Variants in SPOPL observed in about 807,000 individuals in gnomAD.
The protein encoded by SPOPL is speckle type BTB/POZ protein like.
SPOPL carries 23 observed loss-of-function variants against 53.8 expected under a neutral mutation model. That is an observed-to-expected ratio of 0.43 (90% CI 0.31 to 0.61). SPOPL has a LOEUF of 0.61. SPOPL is among the 20% of genes least tolerant of loss of function. The pLI, the probability that SPOPL is intolerant of heterozygous loss-of-function variation, is 0.12. For synonymous variants in SPOPL, 164 were observed against 149.7 expected, an observed-to-expected ratio of 1.10 and a Z score of -0.70; for missense variants, 442 against 466.9, an observed-to-expected ratio of 0.95 and a Z score of 0.49.
rs369163509 is a variant in SPOPL at position 138,550,528 on chromosome 2, A to G, written c.124A>G (p.Ser42Gly). Residue 42 changes from serine to glycine, a missense_variant, in exon 3 of 11, where the codon AGT (serine) becomes GGT (glycine). Physicochemically the swap from Ser to Gly is moderately conservative, Grantham distance 56. Transcript: ENST00000280098. ...FSYMWTINNF[S>G]FCREEMGEVL... Reference sequence around the variant, plus strand: ...CTATATGTGGACCATTAATAACTTCAGTTTTTGTCGAGAGGAAATGGGTGA... The same window carrying G: ...CTATATGTGGACCATTAATAACTTCGGTTTTTGTCGAGAGGAAATGGGTGA... 1 of 1,612,072 alleles carries G rather than the reference A, an allele frequency of 6.2e-7. No individual in the cohort carries two copies. The highest frequency in any genetic ancestry group is 1.3e-5 in the African/African-American group (1 of 75,002).
At chr2:138,528,353 T>C (rs1684722478) in intron 1 of SPOPL, among the ~76,000 whole-genome samples, 1 of 152,242 alleles carries the variant, frequency 6.6e-6, no homozygotes, top group South Asian at 2.1e-4. Context: ...ACATGGATAC[T>C]TACAGTACCC....
chr2:138,509,029 G>T (rs529800644), intron 1 of SPOPL, among the ~76,000 whole-genome samples: 1 of 152,046 alleles, frequency 6.6e-6, no homozygotes, highest in Admixed American at 6.6e-5. Context: ...TCTGAATTGT[G>T]TAATACATGA....
intron 1 of SPOPL, among the ~76,000 whole-genome samples, chr2:138,543,347 T>C (rs557023245): frequency 3.3e-4 from 50 of 152,344 alleles, no homozygotes; most frequent in Admixed American, 1.5e-3. Context: ...CTTGGTTCCA[T>C]TCTCCCCATC....
chr2:138,513,395 A>G (rs1010943886), intron 1 of SPOPL, among the ~76,000 whole-genome samples: 2 of 152,176 alleles, frequency 1.3e-5, no homozygotes, highest in African/African-American at 4.8e-5. Flanking sequence ...TCTACTAAAA[A>G]TACAAAAGTC....
At chr2:138,562,655 G>A (rs1436140151) in intron 8 of SPOPL, among the ~76,000 whole-genome samples, 1 of 151,820 alleles carries the variant, frequency 6.6e-6, no homozygotes, top group Non-Finnish European at 1.5e-5. Flanking sequence ...ATGGTGGTGT[G>A]TGCCTGTAAT....
intron 4 of SPOPL, among the ~76,000 whole-genome samples, chr2:138,552,225 C>T (rs1203196900): frequency 6.6e-6 from 1 of 151,944 alleles, no homozygotes. Flanking sequence ...TATTTTGATC[C>T]TATTTCATTG....
At chr2:138,568,246 A>G (rs978136154) in intron 10 of SPOPL, among the ~76,000 whole-genome samples, 8 of 152,170 alleles carry the variant, frequency 5.3e-5, no homozygotes, top group African/African-American at 1.7e-4. Flanking sequence ...AAGCCTTTCA[A>G]ACCTTAAAAT....
chr2:138,542,291 G>C (rs1685088958), intron 1 of SPOPL, among the ~76,000 whole-genome samples: 1 of 152,192 alleles, frequency 6.6e-6, no homozygotes, highest in African/African-American at 2.4e-5. Context: ...GGATATCCTT[G>C]TTAACTTTGT....
At chr2:138,561,266 T>C (rs564859138) in intron 8 of SPOPL, among the ~76,000 whole-genome samples, 1 of 152,248 alleles carries the variant, frequency 6.6e-6, no homozygotes, top group African/African-American at 2.4e-5. Context: ...CATGACCTTT[T>C]TTAAAAAAAG....
chr2:138,514,549 A>G (rs576563794), intron 1 of SPOPL, among the ~76,000 whole-genome samples: 14 of 152,312 alleles, frequency 9.2e-5, no homozygotes, highest in Non-Finnish European at 2.1e-4. Context: ...TCACTGCTTC[A>G]TAATATTCCA....
chr2:138,542,807 G>T (rs1004837406), intron 1 of SPOPL, among the ~76,000 whole-genome samples: 4 of 152,166 alleles, frequency 2.6e-5, no homozygotes. Flanking sequence ...TTGCTCTTTA[G>T]TTGATGCAGT....
intron 1 of SPOPL, among the ~76,000 whole-genome samples, chr2:138,507,742 A>G (rs1192509480): frequency 6.6e-6 from 1 of 152,190 alleles, no homozygotes; most frequent in Non-Finnish European, 1.5e-5. Context: ...GATTTTTTTT[A>G]TTAATATCCT....
intron 1 of SPOPL, among the ~76,000 whole-genome samples, chr2:138,513,221 TAGC>T (rs1684365280): frequency 2.0e-5 from 3 of 152,200 alleles, no homozygotes. Context: ...AGTTCTAGAC[TAGC>T]CTGGACAACA....
At chr2:138,507,074 G>A (rs1264923762) in intron 1 of SPOPL, among the ~76,000 whole-genome samples, 4 of 152,136 alleles carry the variant, frequency 2.6e-5, no homozygotes, top group African/African-American at 9.7e-5. Flanking sequence ...AAATTAAGTG[G>A]CAAACTAAAG....
rs1480109366 is a variant in SPOPL at position 138,559,111 on chromosome 2, A to G, written c.570A>G (p.Leu190=). 5.0e-6 allele frequency: 8 copies of G among 1,613,744 alleles called. No homozygotes were observed. Among genetic ancestry groups the G allele is most frequent in the African/African-American group, 1.3e-5 (1 of 74,924 alleles). Residue 190 remains leucine (L), a synonymous_variant, in exon 6 of 11, where the codon TTA becomes TTG. Transcript: ENST00000280098. ...KVPECRLAED[L]GNLWENTRFT... is the part of the protein sequence containing the mutation. ...CTGAGTGTCGTCTAGCAGAAGATTTAGGTAATCTCTGGGAAAACACAAGAT... is the reference window on the plus strand; with the variant it reads ...CTGAGTGTCGTCTAGCAGAAGATTTGGGTAATCTCTGGGAAAACACAAGAT...
intron 1 of SPOPL, among the ~76,000 whole-genome samples, chr2:138,541,209 T>G (rs1214582066): frequency 6.6e-6 from 1 of 152,154 alleles, no homozygotes; most frequent in Non-Finnish European, 1.5e-5. Flanking sequence ...ATTCTCTTTT[T>G]TTGTTGTGTC....
chr2:138,528,945 C>T (rs576067681), intron 1 of SPOPL, among the ~76,000 whole-genome samples: 12 of 152,258 alleles, frequency 7.9e-5, no homozygotes, highest in African/African-American at 1.7e-4. Context: ...TAGATAAATA[C>T]TTAAGCCTGG....
intron 1 of SPOPL, among the ~76,000 whole-genome samples, chr2:138,548,428 G>A (rs996331175): frequency 1.5e-4 from 23 of 151,764 alleles, no homozygotes; most frequent in African/African-American, 5.3e-4. Flanking sequence ...GTATTTTAGC[G>A]TCATTCCCTT....
chr2:138,543,629 C>G (rs2104885336), intron 1 of SPOPL, among the ~76,000 whole-genome samples: 1 of 152,216 alleles, frequency 6.6e-6, no homozygotes, highest in Non-Finnish European at 1.5e-5. Flanking sequence ...TCTAGTTAGC[C>G]ATTCGTCTAA....
Sources: allele counts gnomAD v4.1 joint callset (sites outside exome capture counted in the v4.1 genomes callset), GRCh38; gene constraint gnomAD v4.1.1; transcripts MANE v1.5; gene names NCBI Gene and HGNC (gene_info 2026-07-23, HGNC 2026-07-21).